Variants in TMEM132B observed in about 807,000 individuals in gnomAD.
TMEM132B encodes transmembrane protein 132B.
TMEM132B carries 18 observed loss-of-function variants against 90.8 expected under a neutral mutation model. That is an observed-to-expected ratio of 0.20 (90% CI 0.14 to 0.29). The LOEUF (loss-of-function observed/expected upper bound fraction) is 0.29. Ranked by LOEUF, TMEM132B falls within the 10% of genes least tolerant of loss-of-function variation. TMEM132B has a pLI of 1.00. For synonymous variants in TMEM132B, 504 were observed against 523.3 expected (o/e 0.96, Z 0.50); for missense variants, 1,096 against 1,326.8 (o/e 0.83, Z 2.70).
chr12:125,458,623 C>T lies in TMEM132B; in HGVS notation c.1106+42946C>T, dbSNP rs1438897088. On this transcript the variant is annotated intron_variant, in intron 3 of 8. Transcript: ENST00000682704. The surrounding 1 kb of genome is among the most constrained non-coding windows in gnomAD (Gnocchi z 4.9). Reference sequence around the variant, plus strand: ...CACACATGGAGCTGGCTCAGGACCCCTGGAAATGAGACTCACATCCATGCG... The same window carrying T: ...CACACATGGAGCTGGCTCAGGACCCTTGGAAATGAGACTCACATCCATGCG... Among the ~76,000 whole-genome samples, 3 of 152,132 alleles carry T rather than the reference C, an allele frequency of 2.0e-5. No homozygotes were observed. The highest frequency in any genetic ancestry group is 2.4e-5 in the African/African-American group (1 of 41,442).
chr12:125,293,597 C>G (rs901011094), intron 1 of TMEM132B, among the ~76,000 whole-genome samples: 1 of 152,216 alleles, frequency 6.6e-6, no homozygotes, highest in Non-Finnish European at 1.5e-5. Context: ...TGGCCTCTAG[C>G]TGCATCCATG....
chr12:125,393,668 A>G (rs571598633), intron 2 of TMEM132B, among the ~76,000 whole-genome samples: 318 of 152,282 alleles, frequency 2.1e-3, no homozygotes, highest in Non-Finnish European at 3.3e-3. Context: ...GAACTTAATG[A>G]AGGGGCTTTT....
Position 125,212,299 on chromosome 12 carries a change from G to GGTA in TMEM132B, c.67+25434_67+25436dup, listed in dbSNP as rs1177954676. 7.3e-5 allele frequency among the ~76,000 whole-genome samples: 11 copies of GGTA among 151,664 alleles called. 1 individual carries two copies. In the South Asian group the frequency reaches 2.3e-3, roughly 32 times the overall value. On this transcript the variant is annotated intron_variant, in intron 1 of 8. Coordinates refer to ENST00000682704, the MANE Select transcript of TMEM132B (RefSeq NM_001366854.1). ...ACTGAACCTCTAGGGATGTGACCTG[G>GGTA]GTACTTTTCCTGTTTAGTCGCTCAC... is the stretch of plus-strand genomic sequence containing the variant.
chr12:125,211,742 G>A (rs544577835), intron 1 of TMEM132B, among the ~76,000 whole-genome samples: 5 of 152,322 alleles, frequency 3.3e-5, no homozygotes, highest in African/African-American at 9.6e-5. Flanking sequence ...TATAATAAAT[G>A]CCTTCTCTTC....
chr12:125,204,270 A>T (rs113986106), intron 1 of TMEM132B, among the ~76,000 whole-genome samples: 1 of 136,674 alleles, frequency 7.3e-6, no homozygotes, highest in Admixed American at 7.4e-5. Flanking sequence ...TTAGCTCTTT[A>T]TGTGGAGTAT....
chr12:125,351,860 A>C (rs1163335476), intron 2 of TMEM132B, among the ~76,000 whole-genome samples: 9 of 152,354 alleles, frequency 5.9e-5, no homozygotes, highest in Non-Finnish European at 2.9e-5. Context: ...ATGGAAGTGA[A>C]TTGCAGCTGC....
intron 1 of TMEM132B, among the ~76,000 whole-genome samples, chr12:125,298,673 CAAA>C (rs36048797): frequency 1.9e-5 from 2 of 104,722 alleles, no homozygotes; most frequent in Non-Finnish European, 1.8e-5. Flanking sequence ...GACTCTGTCT[CAAA>C]AAAAAAAAAA....
rs1566026064 is a variant in TMEM132B at position 125,409,580 on chromosome 12, TGGAGTGGAGTGGAGTGGA to T, written c.960-5931_960-5914del. Among the ~76,000 whole-genome samples, 203 of 118,278 alleles carry T rather than the reference TGGAGTGGAGTGGAGTGGA, an allele frequency of 1.7e-3. 2 individuals are homozygous for T. The highest frequency in any genetic ancestry group is 4.8e-3 in the Middle Eastern group (1 of 210). The allele number at this position is 118,278 out of a possible 152,430, so 77.6% of individuals were successfully genotyped here. A position where few individuals can be genotyped will look rare whatever the true frequency, so the allele number is the denominator to read the frequency against. ...GGACAGTGGAGTGGAGTGAGTGGAGTGGAGTGGAGTGGAGTGGAGGAGTGGAGTGGAGTGGAGTGGAGG... is the reference window on the plus strand; with the variant it reads ...GGACAGTGGAGTGGAGTGAGTGGAGTGGAGTGGAGTGGAGTGGAGTGGAGG... On this transcript the variant is annotated intron_variant, in intron 2 of 8. Coordinates refer to ENST00000682704, the MANE Select transcript of TMEM132B (RefSeq NM_001366854.1).
chr12:125,377,548 G>A (rs1878531017), intron 2 of TMEM132B, among the ~76,000 whole-genome samples: 1 of 152,156 alleles, frequency 6.6e-6, no homozygotes, highest in Non-Finnish European at 1.5e-5. Flanking sequence ...TGAGAGTGCT[G>A]TGGTGAGGAA....
chr12:125,635,070 G>A (rs1014249668), intron 5 of TMEM132B, among the ~76,000 whole-genome samples: 6 of 152,188 alleles, frequency 3.9e-5, no homozygotes, highest in Non-Finnish European at 7.3e-5. Flanking sequence ...AGCCCACAGT[G>A]GTAAGGATTG....
chr12:125,295,515 T>TGTGTGAGA (rs531489519), intron 1 of TMEM132B, among the ~76,000 whole-genome samples: 32 of 142,434 alleles, frequency 2.2e-4, no homozygotes, highest in African/African-American at 6.2e-4. Flanking sequence ...TGTGTGTGTG[T>TGTGTGAGA]GAGAGAGAGA....
intron 2 of TMEM132B, among the ~76,000 whole-genome samples, chr12:125,389,551 T>C (rs1878949040): frequency 6.6e-6 from 1 of 152,172 alleles, no homozygotes; most frequent in Non-Finnish European, 1.5e-5. Flanking sequence ...AAACTTTCTG[T>C]TCCTCATTTT....
At chr12:125,189,668 C>A (rs760215276) in intron 1 of TMEM132B, among the ~76,000 whole-genome samples, 2 of 152,148 alleles carry the variant, frequency 1.3e-5, no homozygotes, top group African/African-American at 2.4e-5. Context: ...CATTTCATCC[C>A]CTCTCCTCCC....
chr12:125,631,127 C>CT (rs2136995474), intron 5 of TMEM132B, among the ~76,000 whole-genome samples: 1 of 152,096 alleles, frequency 6.6e-6, no homozygotes, highest in South Asian at 2.1e-4. Flanking sequence ...GCATTTACAG[C>CT]TATATACTTC....
chr12:125,285,512 G>A (rs1875325311), intron 1 of TMEM132B, among the ~76,000 whole-genome samples: 1 of 152,166 alleles, frequency 6.6e-6, no homozygotes, highest in South Asian at 2.1e-4. Flanking sequence ...ATCCAGCGCT[G>A]GACTGAGCCA....
At chr12:125,626,894 C>G (rs1159989958) in intron 5 of TMEM132B, among the ~76,000 whole-genome samples, 1 of 151,990 alleles carries the variant, frequency 6.6e-6, no homozygotes, top group Non-Finnish European at 1.5e-5. Flanking sequence ...TTTTTGAGCC[C>G]TGTTTTATCT....
chr12:125,214,373 T>G (rs1873386265), intron 1 of TMEM132B, among the ~76,000 whole-genome samples: 1 of 152,156 alleles, frequency 6.6e-6, no homozygotes, highest in African/African-American at 2.4e-5. Flanking sequence ...AGACCTCATA[T>G]CCCACCAGCT....
chr12:125,515,909 AAC>A (rs34257405), intron 3 of TMEM132B, among the ~76,000 whole-genome samples: 67,998 of 151,438 alleles, frequency 0.45, 18,281 homozygotes, highest in East Asian at 0.85. Context: ...TACACACACA[AAC>A]ACATGTACAT....
intron 1 of TMEM132B, among the ~76,000 whole-genome samples, chr12:125,334,374 G>A (rs1647487614): frequency 7.3e-6 from 1 of 136,664 alleles, no homozygotes; most frequent in Non-Finnish European, 1.5e-5. Flanking sequence ...CTCTCCCTTC[G>A]CCTCCTGGTG....
Sources: allele counts gnomAD v4.1 joint callset (sites outside exome capture counted in the v4.1 genomes callset), GRCh38; gene constraint gnomAD v4.1.1; non-coding constraint Gnocchi (gnomAD v3.1); transcripts MANE v1.5; gene names NCBI Gene and HGNC (gene_info 2026-07-23, HGNC 2026-07-21).